The following CSGALNACT1 variants were observed in gnomAD, a reference collection of about 807,000 sequenced individuals.
The protein encoded by CSGALNACT1 is beta4GalNAcT-1.
In CSGALNACT1, 52 loss-of-function variants were observed where a neutral mutation model predicts 51.0. The observed-to-expected ratio is 1.02, with a 90% CI of 0.82 to 1.29. CSGALNACT1 has a LOEUF of 1.29. CSGALNACT1 is among the 50% of genes most tolerant of loss of function. The probability of loss-of-function intolerance (pLI) is 0.00; values close to 1 mark genes in which losing one functional copy is unlikely to be tolerated. For synonymous variants in CSGALNACT1, 341 were observed against 254.4 expected (o/e 1.34, Z -3.24); for missense variants, 935 against 679.2 (o/e 1.38, Z -4.19).
chr8:19,682,990 AC>A (rs1241941113), upstream of CSGALNACT1: 2 of 286,472 alleles, frequency 7.0e-6, no homozygotes, highest in Non-Finnish European at 1.4e-5. Flanking sequence ...AGCAGGTAGA[AC>A]GAGTTCACCC....
chr8:19,736,178 C>G (rs1056689794), intron 1 of CSGALNACT1, among the ~76,000 whole-genome samples: 1 of 152,182 alleles, frequency 6.6e-6, no homozygotes, highest in Non-Finnish European at 1.5e-5. Flanking sequence ...CATCCCAACA[C>G]AAAGCAGAAT....
At chr8:19,610,150 C>G (rs1327085241) in intron 1 of CSGALNACT1, among the ~76,000 whole-genome samples, 2 of 151,544 alleles carry the variant, frequency 1.3e-5, no homozygotes, top group South Asian at 2.1e-4. Context: ...ATTAGCCAGG[C>G]GTGGTTGCGG....
chr8:19,458,756 C>T lies in CSGALNACT1; in HGVS notation c.635-114G>A, dbSNP rs1041515089. The T allele has an allele frequency of 7.7e-5, 76 of 982,752 alleles. 1 individual carries two copies. The Admixed American group carries it at 1.5e-3, about 20-fold the overall frequency. The allele number at this position is 982,752 out of a possible 1,614,324, so 60.9% of individuals were successfully genotyped here. On this transcript the variant is annotated intron_variant, in intron 4 of 9. Transcript: ENST00000454498. ...TTAAAAAGTGTTTAAGATGAAATCT[C>T]TCCAACAATTATTCGAAAATTCAAA... is the stretch of plus-strand genomic sequence containing the variant.
chr8:19,565,192 A>G (rs79513466), intron 3 of CSGALNACT1, among the ~76,000 whole-genome samples: 4,225 of 152,330 alleles, frequency 0.028, 194 homozygotes, highest in African/African-American at 0.097. Context: ...CAACTTTCAT[A>G]AAACACTTTC....
At chr8:19,475,361 T>C (rs575019250) in intron 4 of CSGALNACT1, among the ~76,000 whole-genome samples, 3 of 152,340 alleles carry the variant, frequency 2.0e-5, no homozygotes, top group South Asian at 4.1e-4. Context: ...TTTTGGGGTC[T>C]GTTTGGATCT....
intron 6 of CSGALNACT1, among the ~76,000 whole-genome samples, chr8:19,437,487 G>A (rs1419835887): frequency 6.6e-6 from 1 of 152,072 alleles, no homozygotes; most frequent in East Asian, 1.9e-4. Flanking sequence ...AGAGGTCTGG[G>A]CATTCCTAGG....
chr8:19,463,370 C>T (rs1280481156), intron 4 of CSGALNACT1, among the ~76,000 whole-genome samples: 1 of 152,198 alleles, frequency 6.6e-6, no homozygotes, highest in Non-Finnish European at 1.5e-5. Flanking sequence ...CACAGGCACA[C>T]ATTCCCATCC....
At chr8:19,510,360 C>T (rs2078231459) in intron 3 of CSGALNACT1, among the ~76,000 whole-genome samples, 3 of 152,170 alleles carry the variant, frequency 2.0e-5, no homozygotes, top group South Asian at 4.1e-4. Context: ...GGACTCACTC[C>T]GATCTGAGAC....
chr8:19,524,947 C>A (rs1329907254), intron 3 of CSGALNACT1, among the ~76,000 whole-genome samples: 4 of 152,104 alleles, frequency 2.6e-5, no homozygotes, highest in African/African-American at 9.7e-5. Flanking sequence ...AGAGACCATC[C>A]CCACTACAGA....
chr8:19,534,276 A>G (rs1007406407), intron 3 of CSGALNACT1, among the ~76,000 whole-genome samples: 1 of 152,066 alleles, frequency 6.6e-6, no homozygotes, highest in Non-Finnish European at 1.5e-5. Flanking sequence ...ACACTGTGAC[A>G]CCTCATCTCT....
chr8:19,673,041 A>G (rs2059912550), intron 1 of CSGALNACT1, among the ~76,000 whole-genome samples: 1 of 152,212 alleles, frequency 6.6e-6, no homozygotes, highest in Non-Finnish European at 1.5e-5. Context: ...TCAAAGAGCC[A>G]TCTCAAAACA....
In CSGALNACT1 at chr8:19,748,631, G is replaced by A. The variant is rs144730284; in HGVS notation, c.-297+9219C>T. On this transcript the variant is annotated intron_variant, in intron 1 of 1. Coordinates refer to the CSGALNACT1 transcript ENST00000517494. ...CTCAGCAAACCCCTCAGTAAAATAA[G>A]CATGATTATTCCATTTTATGGATGA... Among the ~76,000 whole-genome samples the A allele has an allele frequency of 5.9e-5, 9 of 152,176 alleles. No individual in the cohort carries two copies. In the East Asian group the frequency reaches 1.5e-3, roughly 26 times the overall value.
chr8:19,678,126 A>G (rs2060331970), intron 1 of CSGALNACT1, among the ~76,000 whole-genome samples: 1 of 151,876 alleles, frequency 6.6e-6, no homozygotes, highest in African/African-American at 2.4e-5. Context: ...AAAAAAAATT[A>G]CCCCACTAAA....
At chr8:19,714,691 G>T (rs762815399) in intron 1 of CSGALNACT1, among the ~76,000 whole-genome samples, 25 of 151,696 alleles carry the variant, frequency 1.6e-4, no homozygotes, top group Non-Finnish European at 3.2e-4. Flanking sequence ...CCCCCTATCA[G>T]GTGGTTCCAA....
At chr8:19,549,426 T>C (rs948625154) in intron 3 of CSGALNACT1, among the ~76,000 whole-genome samples, 6 of 152,080 alleles carry the variant, frequency 3.9e-5, no homozygotes, top group African/African-American at 1.4e-4. Context: ...CTAACATTAA[T>C]TTTCCCCACA....
At chr8:19,686,867 T>C (rs769313064), upstream of CSGALNACT1, among the ~76,000 whole-genome samples, 66 of 152,262 alleles carry the variant, frequency 4.3e-4, no homozygotes, top group Middle Eastern at 6.8e-3. Context: ...GGACTAGAGA[T>C]AGGACTTCTG....
chr8:19,662,509 G>C (rs964821519), intron 1 of CSGALNACT1, among the ~76,000 whole-genome samples: 4 of 152,176 alleles, frequency 2.6e-5, no homozygotes, highest in African/African-American at 9.7e-5. Context: ...GGTGAAAAAG[G>C]TTCACATCAT....
intron 1 of CSGALNACT1, among the ~76,000 whole-genome samples, chr8:19,610,272 A>G (rs942756096): frequency 2.1e-5 from 3 of 143,780 alleles, no homozygotes; most frequent in African/African-American, 8.1e-5. Flanking sequence ...CCTGGGCGAC[A>G]GAGTACGACT....
At chr8:19,426,293 C>A (rs1051226602) in intron 6 of CSGALNACT1, among the ~76,000 whole-genome samples, 1 of 152,206 alleles carries the variant, frequency 6.6e-6, no homozygotes, top group African/African-American at 2.4e-5. Context: ...TGTATATACA[C>A]CCACCTCCAA....
Sources: gnomAD v4.1 joint callset for allele counts (sites outside exome capture counted in the v4.1 genomes callset) on GRCh38, gnomAD v4.1.1 for gene constraint, MANE v1.5 for transcripts, NCBI Gene and HGNC (gene_info 2026-07-23, HGNC 2026-07-21) for gene names.